The following ZNF519 variants were observed in gnomAD, a reference collection of about 807,000 sequenced individuals.
The protein encoded by ZNF519 is similar to Zinc finger protein 85 (Zinc finger protein HPF4) (HTF1).
In ZNF519, 7 loss-of-function variants were observed where a neutral mutation model predicts 7.4. The observed-to-expected ratio is 0.94, with a 90% CI of 0.54 to 1.77. ZNF519 has a LOEUF of 1.77. Ranked by LOEUF, ZNF519 falls within the 40% of genes most tolerant of loss-of-function variation. ZNF519 has a pLI of 0.00. For synonymous variants in ZNF519, 179 were observed against 203.3 expected (o/e 0.88, Z 1.02); for missense variants, 586 against 623.1 (o/e 0.94, Z 0.63).
chr18:14,084,966 A>G (rs2046084233), exon 3 of ZNF519: 1 of 152,242 alleles, frequency 6.6e-6, no homozygotes, highest in African/African-American at 2.4e-5. Flanking sequence ...GGTCCACAGT[A>G]TCATCCTTGA....
At chr18:14,109,448 T>C (rs1473021801) in intron 2 of ZNF519, among the ~76,000 whole-genome samples, 2 of 152,200 alleles carry the variant, frequency 1.3e-5, no homozygotes, top group Non-Finnish European at 2.9e-5. Context: ...TTCTCATTGA[T>C]AGACCATATG....
downstream of ZNF519, chr18:14,075,839 A>G (rs182033939): frequency 6.6e-6 from 1 of 152,234 alleles, no homozygotes; most frequent in Non-Finnish European, 1.5e-5. Context: ...CTGAAATTCA[A>G]TATTGTCCAC....
intron 3 of ZNF519, among the ~76,000 whole-genome samples, chr18:14,081,039 C>G (rs907442959): frequency 1.3e-5 from 2 of 152,084 alleles, no homozygotes; most frequent in Non-Finnish European, 2.9e-5. Context: ...AGCATGGAGT[C>G]TTTTTAGGGC....
chr18:14,113,638 T>C (rs943281917), intron 2 of ZNF519, among the ~76,000 whole-genome samples: 1 of 152,120 alleles, frequency 6.6e-6, no homozygotes, highest in African/African-American at 2.4e-5. Context: ...GATGTCCTGA[T>C]TTCCCTTGTG....
intron 2 of ZNF519, among the ~76,000 whole-genome samples, chr18:14,118,542 T>C (rs79528685): frequency 0.016 from 2,483 of 152,240 alleles, 69 homozygotes; most frequent in African/African-American, 0.057. Context: ...TGACTGCCTA[T>C]GGTTGGGGTT....
At chr18:14,072,056 A>G (rs1481911992), downstream of ZNF519, 1 of 152,158 alleles carries the variant, frequency 6.6e-6, no homozygotes, top group Non-Finnish European at 1.5e-5. Context: ...AAGGAATCAT[A>G]TTTGTTCATT....
chr18:14,110,686 C>T (rs1301754539), intron 2 of ZNF519, among the ~76,000 whole-genome samples: 1 of 152,098 alleles, frequency 6.6e-6, no homozygotes, highest in African/African-American at 2.4e-5. Flanking sequence ...AAGAAAACAA[C>T]AGATGTTGGC....
intron 2 of ZNF519, among the ~76,000 whole-genome samples, chr18:14,085,451 G>T (rs2046086722): frequency 1.3e-5 from 2 of 152,046 alleles, no homozygotes; most frequent in South Asian, 4.2e-4. Flanking sequence ...AAGAGAGGAA[G>T]GGGTGAGGCA....
chr18:14,128,715 ACACACACAC>A, intron 1 of ZNF519, among the ~76,000 whole-genome samples: 1 of 150,564 alleles, frequency 6.6e-6, no homozygotes, highest in Non-Finnish European at 1.5e-5. Context: ...ACACACACAC[ACACACACAC>A]AAAACCAAAT....
downstream of ZNF519, among the ~76,000 whole-genome samples, chr18:14,097,541 C>G (rs1170889266): frequency 6.6e-6 from 1 of 152,156 alleles, no homozygotes; most frequent in African/African-American, 2.4e-5. Flanking sequence ...AGCTTGAAAG[C>G]AAAGATGTGC....
At chr18:14,117,646 T>A (rs556096289) in intron 2 of ZNF519, among the ~76,000 whole-genome samples, 12 of 152,330 alleles carry the variant, frequency 7.9e-5, no homozygotes, top group African/African-American at 2.9e-4. Context: ...GGCTCATGGT[T>A]ATGCAGGCTG....
downstream of ZNF519, among the ~76,000 whole-genome samples, chr18:14,097,988 G>A (rs536865485): frequency 2.8e-4 from 42 of 152,016 alleles, no homozygotes; most frequent in Middle Eastern, 3.4e-3. Context: ...AGACTCAAGA[G>A]TCACATTTCA....
chr18:14,093,795 A>G (rs1389150818), intron 2 of ZNF519, among the ~76,000 whole-genome samples: 1 of 152,230 alleles, frequency 6.6e-6, no homozygotes, highest in Non-Finnish European at 1.5e-5. Flanking sequence ...TCTGACTGTG[A>G]CTGGCCAAAA....
intron 2 of ZNF519, among the ~76,000 whole-genome samples, chr18:14,085,300 G>A (rs1352515875): frequency 6.6e-6 from 1 of 152,062 alleles, no homozygotes; most frequent in African/African-American, 2.4e-5. Flanking sequence ...GCCCGAGACA[G>A]ATTTATGTTC....
downstream of ZNF519, chr18:14,074,932 C>T (rs2046041821): frequency 6.6e-6 from 1 of 151,966 alleles, no homozygotes; most frequent in Admixed American, 6.6e-5. Flanking sequence ...AAAGACATAC[C>T]CAAGACTGGG....
chr18:14,071,939 T>C (rs933671312), downstream of ZNF519: 1 of 152,234 alleles, frequency 6.6e-6, no homozygotes, highest in African/African-American at 2.4e-5. Context: ...AGAAAAGTTA[T>C]TGACAAAGGC....
At chr18:14,099,421 A>G (rs768407024), downstream of ZNF519, among the ~76,000 whole-genome samples, 1 of 152,166 alleles carries the variant, frequency 6.6e-6, no homozygotes, top group Non-Finnish European at 1.5e-5. Flanking sequence ...GCTGCCCAAT[A>G]AAAGCATTTC....
intron 3 of ZNF519, among the ~76,000 whole-genome samples, chr18:14,078,786 A>T (rs1444717307): frequency 2.0e-5 from 2 of 100,696 alleles, no homozygotes; most frequent in African/African-American, 5.3e-5. Flanking sequence ...TCAAATTAAT[A>T]AAAAAAATCC....
At chr18:14,096,586 C>A (rs2046137754), downstream of ZNF519, among the ~76,000 whole-genome samples, 1 of 152,104 alleles carries the variant, frequency 6.6e-6, no homozygotes, top group African/African-American at 2.4e-5. Flanking sequence ...CATGGTCATA[C>A]CTCACTGCAG....
Sources: allele counts gnomAD v4.1 joint callset (sites outside exome capture counted in the v4.1 genomes callset), GRCh38; gene constraint gnomAD v4.1.1; transcripts MANE v1.5; gene names NCBI Gene and HGNC (gene_info 2026-07-23, HGNC 2026-07-21).